The following CNTNAP5 variants were observed in gnomAD, a reference collection of about 807,000 sequenced individuals.
The protein encoded by CNTNAP5 is contactin-associated protein-like 5.
A neutral mutation model predicts 150.2 loss-of-function variants in CNTNAP5; 72 were observed. The observed-to-expected ratio is 0.48, with a 90% CI of 0.40 to 0.58. CNTNAP5 has a LOEUF of 0.58. Ranked by LOEUF, CNTNAP5 falls within the 20% of genes least tolerant of loss-of-function variation. The probability of loss-of-function intolerance (pLI) is 0.00; values close to 1 mark genes in which losing one functional copy is unlikely to be tolerated. For missense variants in CNTNAP5, 1,636 were observed against 1,626.2 expected, an observed-to-expected ratio of 1.01 and a Z score of -0.10; for synonymous variants, 672 against 619.8, an observed-to-expected ratio of 1.08 and a Z score of -1.25.
intron 3 of CNTNAP5, among the ~76,000 whole-genome samples, chr2:124,407,535 T>A (rs1053850019): frequency 1.3e-5 from 2 of 152,140 alleles, no homozygotes; most frequent in Non-Finnish European, 2.9e-5. Flanking sequence ...AGAGACTCAA[T>A]AACTCAATGA....
chr2:124,212,963 C>T (rs1378791915), intron 1 of CNTNAP5, among the ~76,000 whole-genome samples: 2 of 151,516 alleles, frequency 1.3e-5, no homozygotes, highest in East Asian at 1.9e-4. Context: ...CTCAGCCTCC[C>T]GAGTAGCTGG....
intron 10 of CNTNAP5, among the ~76,000 whole-genome samples, chr2:124,561,501 G>A (rs981416796): frequency 6.6e-6 from 1 of 152,080 alleles, no homozygotes; most frequent in African/African-American, 2.4e-5. Flanking sequence ...AAAAGGAAAG[G>A]TAGAATTTGA....
chr2:124,788,869 A>C (rs1188477940), intron 17 of CNTNAP5, among the ~76,000 whole-genome samples: 2 of 152,018 alleles, frequency 1.3e-5, no homozygotes, highest in Non-Finnish European at 2.9e-5. Context: ...CTGACCTCAA[A>C]TGATCAGCCC....
At chr2:124,219,961 C>T (rs1686262300) in intron 1 of CNTNAP5, among the ~76,000 whole-genome samples, 1 of 151,784 alleles carries the variant, frequency 6.6e-6, no homozygotes, top group Non-Finnish European at 1.5e-5. Context: ...TGTCAAATAC[C>T]TCAAAATATT....
chr2:124,205,275 C>A (rs144845519), intron 1 of CNTNAP5, among the ~76,000 whole-genome samples: 94 of 152,236 alleles, frequency 6.2e-4, no homozygotes, highest in African/African-American at 2.1e-3. Flanking sequence ...TTATAAACAT[C>A]TGGCATTTCC....
chr2:124,153,379 C>T (rs1684449574), intron 1 of CNTNAP5, among the ~76,000 whole-genome samples: 1 of 152,056 alleles, frequency 6.6e-6, no homozygotes, highest in African/African-American at 2.4e-5. Flanking sequence ...GAAGTGAATA[C>T]AGTAGGTCAA....
intron 19 of CNTNAP5, among the ~76,000 whole-genome samples, chr2:124,861,193 T>A (rs1677516890): frequency 6.6e-6 from 1 of 152,056 alleles, no homozygotes; most frequent in African/African-American, 2.4e-5. Flanking sequence ...GAGGATTCCT[T>A]ATCATGTGTT....
At chr2:124,150,117 A>T (rs1344749245) in intron 1 of CNTNAP5, among the ~76,000 whole-genome samples, 2 of 151,944 alleles carry the variant, frequency 1.3e-5, no homozygotes, top group Non-Finnish European at 2.9e-5. Context: ...CCTAATCAGA[A>T]TTTTTTTTTC....
At chr2:124,631,157 A>G (rs1010642996) in intron 12 of CNTNAP5, among the ~76,000 whole-genome samples, 1 of 152,146 alleles carries the variant, frequency 6.6e-6, no homozygotes, top group Non-Finnish European at 1.5e-5. Context: ...TCCCAAAGCA[A>G]TGTATAGATT....
intron 1 of CNTNAP5, among the ~76,000 whole-genome samples, chr2:124,047,664 T>G (rs143523048): frequency 6.6e-6 from 1 of 152,322 alleles, no homozygotes; most frequent in African/African-American, 2.4e-5. Context: ...GTTATCTAGG[T>G]TTTCTCTGTG....
chr2:124,540,851 T>A (rs1451841900), intron 10 of CNTNAP5, among the ~76,000 whole-genome samples: 1 of 151,978 alleles, frequency 6.6e-6, no homozygotes, highest in Non-Finnish European at 1.5e-5. Flanking sequence ...ATCATGGAAA[T>A]AAACATATAT....
chr2:124,908,900 A>G (rs1484031091), intron 22 of CNTNAP5, among the ~76,000 whole-genome samples: 2 of 152,148 alleles, frequency 1.3e-5, no homozygotes, highest in Non-Finnish European at 2.9e-5. Context: ...TAGCAAAAGG[A>G]TATAAAGAAA....
chr2:124,407,790 A>T (rs1267573685), intron 3 of CNTNAP5, among the ~76,000 whole-genome samples: 1 of 152,064 alleles, frequency 6.6e-6, no homozygotes, highest in Non-Finnish European at 1.5e-5. Context: ...TCCCTACTTA[A>T]TTACATTTCA....
At chr2:124,780,762 T>A (rs766986536) in intron 17 of CNTNAP5, among the ~76,000 whole-genome samples, 3 of 152,206 alleles carry the variant, frequency 2.0e-5, no homozygotes, top group Non-Finnish European at 4.4e-5. Flanking sequence ...GATTTAAGCA[T>A]ACCAGAAATA....
At position 124,205,636 on chromosome 2, in the gene CNTNAP5, T is replaced by C. The variant is rs142108047; in HGVS notation, c.83-16069T>C. Reference sequence around the variant, plus strand: ...GTTTCACCATGTTGGCCAGCTTGTCTTGTGATCCGCCCACCTCCACCTCCC... The same window carrying C: ...GTTTCACCATGTTGGCCAGCTTGTCCTGTGATCCGCCCACCTCCACCTCCC... On this transcript the variant is annotated intron_variant, in intron 1 of 23. Transcript: ENST00000682447. 9.9e-4 allele frequency among the ~76,000 whole-genome samples: 151 copies of C among 152,218 alleles called. No homozygotes were observed. In the East Asian group the frequency reaches 0.022, roughly 22 times the overall value.
intron 10 of CNTNAP5, among the ~76,000 whole-genome samples, chr2:124,557,294 A>G (rs1695780436): frequency 6.6e-6 from 1 of 151,570 alleles, no homozygotes; most frequent in South Asian, 2.1e-4. Flanking sequence ...GGCTGCACAG[A>G]AGAAGGCTCT....
chr2:124,459,758 T>TA (rs11355936), intron 6 of CNTNAP5, among the ~76,000 whole-genome samples: 4,116 of 113,364 alleles, frequency 0.036, 78 homozygotes, highest in Non-Finnish European at 0.047. Context: ...AATTCCTCTG[T>TA]AAAAAAAAAA....
In CNTNAP5 at chr2:124,779,852, C is replaced by G. The variant is rs1050350291; in HGVS notation, c.2752+6835C>G. ...AAGGGAGTCTATCCTGGTACACCCC[C>G]CTATCTCTGTGAGCACACACAATAC... On this transcript the variant is annotated intron_variant, in intron 17 of 23. Transcript: ENST00000682447. Among the ~76,000 whole-genome samples the G allele has an allele frequency of 4.6e-5, 7 of 152,294 alleles. No homozygotes were observed. In the East Asian group the frequency reaches 7.7e-4, roughly 17 times the overall value.
chr2:124,570,654 G>A (rs1322002432), intron 11 of CNTNAP5, among the ~76,000 whole-genome samples: 2 of 152,124 alleles, frequency 1.3e-5, no homozygotes, highest in African/African-American at 4.8e-5. Flanking sequence ...AGCATATACT[G>A]AAGATGGAAG....
Sources: gnomAD v4.1 joint callset for allele counts (sites outside exome capture counted in the v4.1 genomes callset) on GRCh38, gnomAD v4.1.1 for gene constraint, MANE v1.5 for transcripts, NCBI Gene and HGNC (gene_info 2026-07-23, HGNC 2026-07-21) for gene names.